Variants in PVALEF observed in about 807,000 individuals in gnomAD.
PVALEF encodes parvalbumin like EF-hand containing.
Under a neutral mutation model 1.2 loss-of-function variants are expected in PVALEF, and 2 were observed. The observed-to-expected ratio is 1.68, with a 90% CI of 0.69 to 5.28. PVALEF has a LOEUF of 5.28. Ranked by LOEUF, PVALEF falls within the 30% of genes most tolerant of loss-of-function variation. The pLI, the probability that PVALEF is intolerant of heterozygous loss-of-function variation, is 0.06. For synonymous variants in PVALEF, 16 were observed against 6.5 expected (o/e 2.47, Z -2.24); for missense variants, 35 against 17.7 (o/e 1.97, Z -1.75).
chr17:81,178,991 C>T lies in PVALEF; in HGVS notation c.-266C>T. On this transcript the variant is annotated 5_prime_UTR_variant, in exon 3 of 7. Transcript: ENST00000637878. Reference sequence around the variant, plus strand: ...TGGACACACCAAGTGCCTGCGAGCCCCTGGGAGCTGCCCGTGCCAGGCTGG... The same window carrying T: ...TGGACACACCAAGTGCCTGCGAGCCTCTGGGAGCTGCCCGTGCCAGGCTGG... The T allele has an allele frequency of 2.3e-6, 1 of 434,150 alleles. No homozygotes were observed. The highest frequency in any genetic ancestry group is 1.6e-5 in the South Asian group (1 of 61,226). 26.9% of individuals were successfully genotyped at this position (434,150 alleles called of 1,614,324 possible).
chr17:81,169,023 G>A (rs2061508832), intron 2 of PVALEF, among the ~76,000 whole-genome samples: 1 of 152,224 alleles, frequency 6.6e-6, no homozygotes, highest in African/African-American at 2.4e-5. Context: ...AATATGCTCA[G>A]TGAAAGACAC....
intron 2 of PVALEF, among the ~76,000 whole-genome samples, chr17:81,167,888 C>T (rs896014245): frequency 4.6e-5 from 7 of 152,244 alleles, no homozygotes; most frequent in Non-Finnish European, 8.8e-5. Context: ...TGGGCCACCT[C>T]GTTCAGTCTG....
intron 5 of PVALEF, 129 bp downstream of exon 5, chr17:81,181,823 C>T: frequency 2.5e-6 from 1 of 398,070 alleles, no homozygotes. Context: ...TGGGCCAGAA[C>T]CAGCTAGAAG....
At chr17:81,165,848 C>G in intron 1 of PVALEF, 101 bp downstream of exon 1, 7 of 1,527,780 alleles carry the variant, frequency 4.6e-6, no homozygotes, top group Middle Eastern at 1.7e-4. Flanking sequence ...GGGTTAATTT[C>G]CATGCAAACC....
At chr17:81,180,593 G>A (rs1021876723) in intron 3 of PVALEF, among the ~76,000 whole-genome samples, 5 of 152,118 alleles carry the variant, frequency 3.3e-5, no homozygotes, top group Admixed American at 2.0e-4. Context: ...CCCTGTGAAG[G>A]GGCAGGCGTC....
chr17:81,181,223 C>A lies in PVALEF; in HGVS notation c.-4C>A. 1 of 703,128 alleles carries A rather than the reference C, an allele frequency of 1.4e-6. No individual in the cohort carries two copies. Among genetic ancestry groups the A allele is most frequent in the South Asian group, 1.5e-5 (1 of 67,426 alleles). The allele number at this position is 703,128 out of a possible 1,614,324, so 43.6% of individuals were successfully genotyped here. A position where few individuals can be genotyped will look rare whatever the true frequency, so the allele number is the denominator to read the frequency against. Reference sequence around the variant, plus strand: ...AATTGACTCCCTATCCACCCAGGACCAGGATGGAGGAGGACTTCTCCTCCC... The same window carrying A: ...AATTGACTCCCTATCCACCCAGGACAAGGATGGAGGAGGACTTCTCCTCCC... On this transcript the variant is annotated 5_prime_UTR_variant, in exon 4 of 7. Coordinates refer to ENST00000637878, the MANE Select transcript of PVALEF (RefSeq NM_001354639.2).
In PVALEF at chr17:81,175,801, C is replaced by T. The variant is rs1164459370; in HGVS notation, c.-339-3117C>T. Among the ~76,000 whole-genome samples the T allele has an allele frequency of 2.0e-5, 3 of 152,106 alleles. No individual in the cohort carries two copies. The East Asian group carries it at 5.8e-4, about 29-fold the overall frequency. On this transcript the variant is annotated intron_variant, in intron 2 of 6. Coordinates refer to ENST00000637878, the MANE Select transcript of PVALEF (RefSeq NM_001354639.2). ...AAAATAACTCAAAATGGATCAAAGA[C>T]CTAAATGTAAAACATGAAACTCTTA...
At chr17:81,181,473 C>G in intron 4 of PVALEF, 86 bp from the exon 5 acceptor site, 1 of 499,374 alleles carries the variant, frequency 2.0e-6, no homozygotes, top group Non-Finnish European at 3.5e-6. Context: ...CAGGACCCGG[C>G]AGCCCCCATC....
intron 3 of PVALEF, among the ~76,000 whole-genome samples, chr17:81,180,137 C>T (rs2061548795): frequency 6.6e-6 from 1 of 152,212 alleles, no homozygotes; most frequent in Non-Finnish European, 1.5e-5. Context: ...GGCTCCCCTG[C>T]CTTCGTTGGG....
At chr17:81,167,437 G>T (rs1035822947) in intron 2 of PVALEF, among the ~76,000 whole-genome samples, 1 of 152,268 alleles carries the variant, frequency 6.6e-6, no homozygotes, top group African/African-American at 2.4e-5. Context: ...CCCAGTTGGG[G>T]TTGGGGGCTG....
At chr17:81,177,081 C>CA (rs2146448320) in intron 2 of PVALEF, among the ~76,000 whole-genome samples, 1 of 151,644 alleles carries the variant, frequency 6.6e-6, no homozygotes, top group East Asian at 2.0e-4. Flanking sequence ...CTCGCACCAC[C>CA]AACGCTGGCT....
chr17:81,179,789 G>A (rs1178744204), intron 3 of PVALEF, among the ~76,000 whole-genome samples: 1 of 152,210 alleles, frequency 6.6e-6, no homozygotes, highest in African/African-American at 2.4e-5. Flanking sequence ...CCCGGAGCAG[G>A]GCATCCCAGA....
intron 2 of PVALEF, among the ~76,000 whole-genome samples, chr17:81,168,513 G>GC (rs1172163724): frequency 6.6e-6 from 1 of 152,198 alleles, no homozygotes; most frequent in East Asian, 1.9e-4. Flanking sequence ...CCCTAGTGGG[G>GC]CCCCCCAGGT....
rs1234216875 is a variant in PVALEF, at chr17:81,181,722, G to C, written c.242+28G>C. On this transcript the variant is annotated intron_variant, in intron 5 of 6. Coordinates refer to ENST00000637878, the MANE Select transcript of PVALEF (RefSeq NM_001354639.2). ...AATGGCTGGCGGCCACGGAGGGGTG[G>C]GGCCCAGGCCACCCAGACCACGCCG... 5.0e-6 allele frequency: 2 copies of C among 399,854 alleles called. 1 individual carries two copies. The highest frequency in any genetic ancestry group is 7.1e-5 in the East Asian group (2 of 28,080). The allele number at this position is 399,854 out of a possible 1,614,324, so 24.8% of individuals were successfully genotyped here. A position where few individuals can be genotyped will look rare whatever the true frequency, so the allele number is the denominator to read the frequency against.
In PVALEF at chr17:81,181,627, GC is replaced by G; in HGVS notation, c.177del (p.Ile60SerfsTer37). ...KLHASGQLDD[A>X]IHTAFQSLDK... ...CCACGCCTCGGGCCAGCTGGACGACGCCATCCACACGGCCTTCCAGTCCCTG... is the reference window on the plus strand; with the variant it reads ...CCACGCCTCGGGCCAGCTGGACGACGCATCCACACGGCCTTCCAGTCCCTG... On this transcript the variant is annotated frameshift_variant, in exon 5 of 7. Transcript: ENST00000637878. LOFTEE classifies it high-confidence loss of function. The G allele has an allele frequency of 2.4e-6, 1 of 418,944 alleles. No homozygotes were observed. The allele number at this position is 418,944 out of a possible 1,614,324, so 26.0% of individuals were successfully genotyped here.
chr17:81,170,176 GGT>G lies in PVALEF; in HGVS notation c.-340+3340_-340+3341del, dbSNP rs759984217. 1.1e-4 allele frequency among the ~76,000 whole-genome samples: 17 copies of G among 150,408 alleles called. No individual in the cohort carries two copies. The East Asian group carries it at 1.4e-3, about 12-fold the overall frequency. The stretch of plus-strand genomic sequence containing the variant: ...CATATGTGGTGTGTGTGCATGTGTA[GGT>G]GTGTGTGCATGTGTCTTTGCATATG... On this transcript the variant is annotated intron_variant, in intron 2 of 6. Coordinates refer to ENST00000637878, the MANE Select transcript of PVALEF (RefSeq NM_001354639.2).
intron 2 of PVALEF, among the ~76,000 whole-genome samples, chr17:81,167,375 C>T (rs557210518): frequency 6.2e-4 from 94 of 152,398 alleles, no homozygotes; most frequent in African/African-American, 2.2e-3. Flanking sequence ...TTCACTCACT[C>T]ATTCATTCAC....
chr17:81,169,481 C>A (rs1035677650), intron 2 of PVALEF, among the ~76,000 whole-genome samples: 5 of 152,136 alleles, frequency 3.3e-5, no homozygotes, highest in Non-Finnish European at 7.4e-5. Context: ...GCCTGTAATC[C>A]CAGCTACTAG....
chr17:81,182,201 C>T (rs2061556895), intron 6 of PVALEF, 120 bp downstream of exon 6: 6 of 396,844 alleles, frequency 1.5e-5, no homozygotes, highest in Admixed American at 4.4e-5. Context: ...GAAACCCAGG[C>T]TCAGGGGTCT....
Sources: gnomAD v4.1 joint callset for allele counts (sites outside exome capture counted in the v4.1 genomes callset) on GRCh38, gnomAD v4.1.1 for gene constraint, MANE v1.5 for transcripts, NCBI Gene and HGNC (gene_info 2026-07-23, HGNC 2026-07-21) for gene names.